Variants in AK5 observed in about 807,000 individuals in gnomAD.
AK5 encodes adenylate kinase 5, also known as adenylate kinase isoenzyme 5.
Under a neutral mutation model 69.5 loss-of-function variants are expected in AK5, and 27 were observed. That is an observed-to-expected ratio of 0.39 (90% CI 0.29 to 0.54). The LOEUF (loss-of-function observed/expected upper bound fraction) is 0.54. Among genes scored for constraint, AK5 ranks in the 20% least tolerant of loss-of-function variants. The pLI is 0.71. For missense variants in AK5, 531 were observed against 700.4 expected (o/e 0.76, Z 2.73); for synonymous variants, 260 against 244.4 (o/e 1.06, Z -0.60).
At chr1:77,383,345 A>G (rs1221966385) in intron 6 of AK5, among the ~76,000 whole-genome samples, 4 of 152,142 alleles carry the variant, frequency 2.6e-5, no homozygotes, top group Non-Finnish European at 5.9e-5. Context: ...GAGAAGTCAT[A>G]AAAAATGGGG....
chr1:77,419,770 G>A (rs1384160569), intron 8 of AK5, among the ~76,000 whole-genome samples: 1 of 152,168 alleles, frequency 6.6e-6, no homozygotes, highest in Non-Finnish European at 1.5e-5. Context: ...AGGTGATGGA[G>A]CCGAGGTTAT....
intron 5 of AK5, among the ~76,000 whole-genome samples, chr1:77,305,127 T>C (rs1200577995): frequency 6.6e-6 from 1 of 152,204 alleles, no homozygotes; most frequent in African/African-American, 2.4e-5. Context: ...TTGCCATTTG[T>C]ATATTGTCTT....
chr1:77,407,328 G>C lies in AK5; in HGVS notation c.892-3653G>C, dbSNP rs376697932. Among the ~76,000 whole-genome samples the C allele has an allele frequency of 5.3e-5, 8 of 152,236 alleles. No homozygotes were observed. In the East Asian group the frequency reaches 1.4e-3, roughly 26 times the overall value. Reference sequence around the variant, plus strand: ...ATGGAATACTAATGAATAATGAAAAGGAATGAACTAAGGATATAACAACAT... The same window carrying C: ...ATGGAATACTAATGAATAATGAAAACGAATGAACTAAGGATATAACAACAT... On this transcript the variant is annotated intron_variant, in intron 6 of 13. Coordinates refer to ENST00000354567, the MANE Select transcript of AK5 (RefSeq NM_174858.3).
At chr1:77,407,374 G>C (rs989894045) in intron 6 of AK5, among the ~76,000 whole-genome samples, 9 of 152,170 alleles carry the variant, frequency 5.9e-5, no homozygotes, top group Non-Finnish European at 1.2e-4. Context: ...CAGAATAATA[G>C]TACTGAGTGA....
At chr1:77,353,026 T>C (rs903149858) in intron 6 of AK5, among the ~76,000 whole-genome samples, 2 of 152,226 alleles carry the variant, frequency 1.3e-5, no homozygotes, top group African/African-American at 4.8e-5. Context: ...GTCTCCATTT[T>C]AATTTACCTT....
intron 6 of AK5, among the ~76,000 whole-genome samples, chr1:77,365,306 T>C (rs1334664273): frequency 6.6e-6 from 1 of 152,198 alleles, no homozygotes; most frequent in Non-Finnish European, 1.5e-5. Flanking sequence ...CTTCTCCCAT[T>C]CTGTAGGTTG....
At chr1:77,483,126 C>T (rs920950618) in intron 8 of AK5, among the ~76,000 whole-genome samples, 191 bp from the exon 9 acceptor site, 1 of 150,392 alleles carries the variant, frequency 6.6e-6, no homozygotes, top group African/African-American at 2.4e-5. Context: ...TCCCTCACTA[C>T]CCTGTCACCT....
rs542195645 is a variant in AK5, at chr1:77,431,382, G to A, written c.1059+13667G>A. Among the ~76,000 whole-genome samples, 20 of 152,212 alleles carry A rather than the reference G, an allele frequency of 1.3e-4. 1 individual carries two copies. The highest frequency in any genetic ancestry group is 2.1e-4 in the South Asian group (1 of 4,812). ...TTAGGTGCCAGACACTCTTATAGGCGCTATACTGAGTGTTGTGGAATTCTA... is the reference window on the plus strand; with the variant it reads ...TTAGGTGCCAGACACTCTTATAGGCACTATACTGAGTGTTGTGGAATTCTA... On this transcript the variant is annotated intron_variant, in intron 8 of 13. Transcript: ENST00000354567.
intron 6 of AK5, among the ~76,000 whole-genome samples, chr1:77,393,141 G>T (rs566078850): frequency 3.3e-5 from 5 of 152,030 alleles, no homozygotes; most frequent in African/African-American, 1.2e-4. Context: ...GTACAGACAG[G>T]GTCTCACTAT....
At chr1:77,501,458 A>G (rs1656713873) in intron 10 of AK5, among the ~76,000 whole-genome samples, 1 of 152,230 alleles carries the variant, frequency 6.6e-6, no homozygotes, top group African/African-American at 2.4e-5. Context: ...AGTGTAGCCT[A>G]CTATGCGCCT....
intron 5 of AK5, among the ~76,000 whole-genome samples, chr1:77,332,874 C>G (rs186520831): frequency 8.0e-4 from 122 of 152,010 alleles, no homozygotes; most frequent in Non-Finnish European, 1.4e-3. Context: ...CTTATTCTAT[C>G]AGTTGCTCAG....
chr1:77,520,763 A>G (rs962797877), intron 11 of AK5, among the ~76,000 whole-genome samples: 3 of 152,194 alleles, frequency 2.0e-5, no homozygotes, highest in African/African-American at 4.8e-5. Context: ...TCTTCATTAT[A>G]TATTTATTTG....
intron 9 of AK5, among the ~76,000 whole-genome samples, chr1:77,485,822 T>C (rs1655552945): frequency 6.6e-6 from 1 of 152,126 alleles, no homozygotes; most frequent in African/African-American, 2.4e-5. Flanking sequence ...GGTGGGGGAA[T>C]AAGACTGAAA....
chr1:77,460,546 A>G (rs1653768943), intron 8 of AK5, among the ~76,000 whole-genome samples: 1 of 152,242 alleles, frequency 6.6e-6, no homozygotes, highest in Non-Finnish European at 1.5e-5. Flanking sequence ...TTCGTTTAAA[A>G]TGATTCAGAA....
intron 6 of AK5, among the ~76,000 whole-genome samples, chr1:77,408,586 G>A (rs11162338): frequency 0.87 from 132,752 of 152,018 alleles, 58,804 homozygotes; most frequent in East Asian, 0.97. Flanking sequence ...TTGTGTGTTT[G>A]CTCTGTTGGT....
At chr1:77,382,850 T>C (rs1647745179) in intron 6 of AK5, among the ~76,000 whole-genome samples, 1 of 152,230 alleles carries the variant, frequency 6.6e-6, no homozygotes. Flanking sequence ...TAATACTCTT[T>C]CATCCAGAAT....
chr1:77,366,926 T>TGACTC (rs71075731), intron 6 of AK5, among the ~76,000 whole-genome samples: 133,379 of 150,582 alleles, frequency 0.89, 59,136 homozygotes, highest in Non-Finnish European at 0.92. Flanking sequence ...TAAAGGTTTT[T>TGACTC]ATATTAGCCT....
intron 8 of AK5, among the ~76,000 whole-genome samples, chr1:77,467,623 G>T (rs959111464): frequency 4.0e-5 from 6 of 151,814 alleles, no homozygotes; most frequent in Non-Finnish European, 8.8e-5. Context: ...AATCTTCTTC[G>T]TATTTACTCC....
intron 8 of AK5, among the ~76,000 whole-genome samples, chr1:77,421,667 T>A (rs563644426): frequency 6.6e-6 from 1 of 152,314 alleles, no homozygotes; most frequent in South Asian, 2.1e-4. Context: ...GATGGGTTTG[T>A]TGAGCACCAA....
Sources: gnomAD v4.1 joint callset for allele counts (sites outside exome capture counted in the v4.1 genomes callset) on GRCh38, gnomAD v4.1.1 for gene constraint, MANE v1.5 for transcripts, NCBI Gene and HGNC (gene_info 2026-07-23, HGNC 2026-07-21) for gene names.